Variants in ARHGEF18 observed in about 807,000 individuals in gnomAD.
ARHGEF18 encodes rho guanine nucleotide exchange factor 18.
ARHGEF18 carries 93 observed loss-of-function variants against 155.7 expected under a neutral mutation model. The ratio of observed to expected loss-of-function variants is 0.60; its 90% CI spans 0.50 to 0.71. The LOEUF (loss-of-function observed/expected upper bound fraction) is 0.71. Among genes scored for constraint, ARHGEF18 ranks in the 30% least tolerant of loss-of-function variants. The probability of loss-of-function intolerance (pLI) is 0.00; values close to 1 mark genes in which losing one functional copy is unlikely to be tolerated. For missense variants in ARHGEF18, 1,593 were observed against 1,816.1 expected (o/e 0.88, Z 2.23); for synonymous variants, 742 against 753.1 (o/e 0.99, Z 0.24).
intron 10 of ARHGEF18, among the ~76,000 whole-genome samples, chr19:7,418,772 G>A (rs10416317): frequency 0.16 from 23,789 of 152,012 alleles, 3,843 homozygotes; most frequent in African/African-American, 0.41. Flanking sequence ...TGGAGTTGTC[G>A]GTGTGGATTC....
chr19:7,474,543 T>C (rs1199600973), downstream of ARHGEF18, among the ~76,000 whole-genome samples: 7 of 151,834 alleles, frequency 4.6e-5, no homozygotes, highest in Non-Finnish European at 8.8e-5. Flanking sequence ...CATGCCCGGC[T>C]AATTTTTGCA....
At chr19:7,377,906 G>A (rs1970536567) in intron 5 of ARHGEF18, among the ~76,000 whole-genome samples, 1 of 151,950 alleles carries the variant, frequency 6.6e-6, no homozygotes, top group African/African-American at 2.4e-5. Flanking sequence ...CCAACATGGT[G>A]AAACCCCGTC....
At chr19:7,476,341 TCA>T (rs934166567), downstream of ARHGEF18, among the ~76,000 whole-genome samples, 4 of 146,898 alleles carry the variant, frequency 2.7e-5, no homozygotes, top group African/African-American at 1.1e-4. Flanking sequence ...GCAATTGATA[TCA>T]CATGAGGCCC....
In ARHGEF18 at chr19:7,380,285, T is replaced by C. The variant is rs1970665034; in HGVS notation, c.645-632T>C. Among the ~76,000 whole-genome samples the C allele has an allele frequency of 1.3e-5, 2 of 151,918 alleles. 1 individual carries two copies. The highest frequency in any genetic ancestry group is 4.1e-4 in the South Asian group (2 of 4,826). On this transcript the variant is annotated intron_variant, in intron 7 of 28. Coordinates refer to ENST00000668164, the MANE Select transcript of ARHGEF18 (RefSeq NM_001367823.1). ...CGAGGTCAGGAGATCGAGACCATCC[T>C]GACTAACATGGTGAAACCCCGTCTC... is the stretch of plus-strand genomic sequence containing the variant.
rs193214747 is a variant in ARHGEF18, at chr19:7,388,601, A to T, written c.967+5398A>T. ...TTTATTTTTATTTATTTATTTTCAGATGGAGTTTTGCTCTGTCACCCAGGC... is the reference window on the plus strand; with the variant it reads ...TTTATTTTTATTTATTTATTTTCAGTTGGAGTTTTGCTCTGTCACCCAGGC... On this transcript the variant is annotated intron_variant, in intron 10 of 28. Coordinates refer to ENST00000668164, the MANE Select transcript of ARHGEF18 (RefSeq NM_001367823.1). Among the ~76,000 whole-genome samples the T allele has an allele frequency of 3.2e-3, 479 of 151,982 alleles. 2 individuals carry two copies. The highest frequency in any genetic ancestry group is 0.011 in the African/African-American group (462 of 41,476).
rs1969097892 is a variant in ARHGEF18 at position 7,349,080 on chromosome 19, G to A, written c.-272G>A. 1 of 152,360 alleles carries A rather than the reference G, an allele frequency of 6.6e-6. No homozygotes were observed. The highest frequency in any genetic ancestry group is 2.4e-5 in the African/African-American group (1 of 41,452). 9.4% of individuals were successfully genotyped at this position (152,360 alleles called of 1,614,324 possible). A position where few individuals can be genotyped will look rare whatever the true frequency, so the allele number is the denominator to read the frequency against. On this transcript the variant is annotated 5_prime_UTR_variant, in exon 1 of 29. Coordinates refer to ENST00000668164, the MANE Select transcript of ARHGEF18 (RefSeq NM_001367823.1). ...AGCATGCAGGCAGGCAGTTGAGAAA[G>A]AGGAAGTCGAGGTGCTATTGGGTCA...
At chr19:7,453,006 G>A (rs112700001) in intron 16 of ARHGEF18, among the ~76,000 whole-genome samples, 4,332 of 151,584 alleles carry the variant, frequency 0.029, 197 homozygotes, top group African/African-American at 0.095. Flanking sequence ...GACCAGCCTG[G>A]CCAACATAGT....
intron 10 of ARHGEF18, among the ~76,000 whole-genome samples, chr19:7,414,071 T>C (rs1335879122): frequency 6.6e-6 from 1 of 152,110 alleles, no homozygotes; most frequent in Admixed American, 6.6e-5. Flanking sequence ...GCCTAGATAC[T>C]GTAGGCATTT....
At chr19:7,441,281 G>A (rs1172236660) in intron 11 of ARHGEF18, among the ~76,000 whole-genome samples, 3 of 148,302 alleles carry the variant, frequency 2.0e-5, no homozygotes, top group African/African-American at 7.5e-5. Context: ...CCAGATTCAA[G>A]TGATTCCCCT....
intron 2 of ARHGEF18, among the ~76,000 whole-genome samples, chr19:7,369,540 C>T (rs145005329): frequency 1.0e-4 from 15 of 150,510 alleles, no homozygotes; most frequent in African/African-American, 2.4e-4. Context: ...GGCTCATGCC[C>T]GTAATCCCAG....
chr19:7,431,510 C>CAAAAAAAAAAAAAA (rs34609858), intron 10 of ARHGEF18, among the ~76,000 whole-genome samples: 2 of 51,294 alleles, frequency 3.9e-5, no homozygotes, highest in African/African-American at 1.6e-4. Flanking sequence ...GACTCCATCT[C>CAAAAAAAAAAAAAA]AAAAAAAAAA....
rs1040814190 is a variant in ARHGEF18, at chr19:7,413,743, G to C, written c.968-26601G>C. 2.1e-4 allele frequency among the ~76,000 whole-genome samples: 32 copies of C among 152,068 alleles called. 1 individual carries two copies. Among genetic ancestry groups the C allele is most frequent in the Non-Finnish European group, 1.8e-4 (12 of 68,008 alleles). ...ACCACTATACTCCAGCCGAGACTCTGTCTCCAAAAAATAAACAAACAAACA... is the reference window on the plus strand; with the variant it reads ...ACCACTATACTCCAGCCGAGACTCTCTCTCCAAAAAATAAACAAACAAACA... On this transcript the variant is annotated intron_variant, in intron 10 of 28. Coordinates refer to ENST00000668164, the MANE Select transcript of ARHGEF18 (RefSeq NM_001367823.1).
At chr19:7,439,523 C>T (rs1011050798) in intron 10 of ARHGEF18, among the ~76,000 whole-genome samples, 1 of 152,076 alleles carries the variant, frequency 6.6e-6, no homozygotes, top group Non-Finnish European at 1.5e-5. Context: ...GCACACGTAT[C>T]CTATGATCTG....
chr19:7,372,287 G>A (rs1391106933), intron 2 of ARHGEF18, among the ~76,000 whole-genome samples: 1 of 152,158 alleles, frequency 6.6e-6, no homozygotes, highest in East Asian at 1.9e-4. Flanking sequence ...GGTTTTGACG[G>A]TTGCATAGGA....
At chr19:7,477,357 C>T (rs201484351), downstream of ARHGEF18, 131 of 1,557,642 alleles carry the variant, frequency 8.4e-5, no homozygotes, top group Admixed American at 5.7e-4. Flanking sequence ...TTGGCCAGGT[C>T]GGCCAGGTTG....
At chr19:7,474,754 A>AGTGAGTGTGTGTGTGTGTGTGTGT (rs796866599), downstream of ARHGEF18, among the ~76,000 whole-genome samples, 23 of 142,038 alleles carry the variant, frequency 1.6e-4, no homozygotes, top group African/African-American at 5.8e-4. Context: ...TGGGCATTGG[A>AGTGAGTGTGTGTGTGTGTGTGTGT]GTGTGTGTGT....
Position 7,463,921 on chromosome 19 carries a change from C to T in ARHGEF18, c.2739C>T (p.Phe913=), listed in dbSNP as rs556548682. The T allele has an allele frequency of 6.5e-5, 104 of 1,595,146 alleles. 1 individual carries two copies. In the South Asian group the frequency reaches 1.1e-3, roughly 16 times the overall value. ...STGPPRRAET[F]AGYDCTNSPT... is the part of the protein sequence containing the mutation. ...GCCCGCCCAGGAGGGCTGAGACCTT[C>T]GCGGGCTACGACTGCACAAACAGCC... is the stretch of plus-strand genomic sequence containing the variant. The change falls in exon 22 of 29, where the codon TTC becomes TTT. Residue 913 remains phenylalanine, a synonymous_variant. Transcript: ENST00000668164. This position sits in a 1 kb window ranked among gnomAD's most constrained non-coding sequence, Gnocchi z 5.2.
intron 17 of ARHGEF18, 108 bp downstream of exon 17, chr19:7,453,823 T>TG (rs1975656970): frequency 2.2e-6 from 3 of 1,384,970 alleles, no homozygotes; most frequent in Middle Eastern, 2.7e-4. Context: ...CTTGTATCAG[T>TG]GGGTACCATC....
Position 7,444,320 on chromosome 19 carries a change from C to T in ARHGEF18, c.1477C>T (p.Pro493Ser). ...FSSKAIGRLF[P>S]CADDLLETHS... is the part of the protein sequence containing the mutation. ...CAGCAAGGCCATTGGCCGCCTCTTC[C>T]CATGCGCTGACGACCTGCTGGAGAC... is the stretch of plus-strand genomic sequence containing the variant. Residue 493 changes from proline (P) to serine (S), a missense_variant, in exon 14 of 29, where the codon CCA (proline) becomes TCA (serine). Physicochemically the swap from Pro to Ser is moderately conservative, Grantham distance 74 (BLOSUM62 -1). Coordinates refer to ENST00000668164, the MANE Select transcript of ARHGEF18 (RefSeq NM_001367823.1). This position sits in a 1 kb window ranked among gnomAD's most constrained non-coding sequence, Gnocchi z 4.7. 6.2e-7 allele frequency: 1 copy of T among 1,613,676 alleles called. No homozygotes were observed. Among genetic ancestry groups the T allele is most frequent in the African/African-American group, 1.3e-5 (1 of 75,054 alleles).
Sources: allele counts gnomAD v4.1 joint callset (sites outside exome capture counted in the v4.1 genomes callset), GRCh38; gene constraint gnomAD v4.1.1; non-coding constraint Gnocchi (gnomAD v3.1); transcripts MANE v1.5; gene names NCBI Gene and HGNC (gene_info 2026-07-23, HGNC 2026-07-21).